The following ZNF716 variants were observed in gnomAD, a reference collection of about 807,000 sequenced individuals.
ZNF716 encodes zinc finger protein 716.
In ZNF716, 9 loss-of-function variants were observed where a neutral mutation model predicts 13.4. The ratio of observed to expected loss-of-function variants is 0.67; its 90% CI spans 0.41 to 1.18. The LOEUF (loss-of-function observed/expected upper bound fraction) is 1.18. Ranked by LOEUF, ZNF716 falls within the 50% of genes most tolerant of loss-of-function variation. The probability of loss-of-function intolerance (pLI) is 0.01; values close to 1 mark genes in which losing one functional copy is unlikely to be tolerated. For synonymous variants in ZNF716, 186 were observed against 195.2 expected (o/e 0.95, Z 0.39); for missense variants, 581 against 576.6 (o/e 1.01, Z -0.08).
intron 3 of ZNF716, among the ~76,000 whole-genome samples, chr7:57,465,271 A>G (rs1276594118): frequency 6.6e-6 from 1 of 152,062 alleles, no homozygotes; most frequent in African/African-American, 2.4e-5. Context: ...TTATTTCCAT[A>G]TATTTTTGAT....
chr7:57,459,738 G>A (rs1157133402), intron 1 of ZNF716, among the ~76,000 whole-genome samples: 1 of 152,166 alleles, frequency 6.6e-6, no homozygotes, highest in Non-Finnish European at 1.5e-5. Flanking sequence ...GGTAGGAAGA[G>A]GTCAGTGCGG....
At chr7:57,451,064 C>G (rs1436631912) in intron 1 of ZNF716, among the ~76,000 whole-genome samples, 1 of 151,752 alleles carries the variant, frequency 6.6e-6, no homozygotes, top group East Asian at 1.9e-4. Context: ...CTCTGTTGCC[C>G]AGGCTGGAGT....
rs1372767800 is a variant in ZNF716, at chr7:57,471,601, T to A, written c.*1652T>A. Reference sequence around the variant, plus strand: ...TATCAAAGGAAAACCCTGAAACAGATGCTCAAACTTTGTTGAACATCGGAG... The same window carrying A: ...TATCAAAGGAAAACCCTGAAACAGAAGCTCAAACTTTGTTGAACATCGGAG... On this transcript the variant is annotated 3_prime_UTR_variant, in exon 4 of 4. Transcript: ENST00000420713. 2.0e-5 allele frequency: 3 copies of A among 152,204 alleles called. No individual in the cohort carries two copies. Among genetic ancestry groups the A allele is most frequent in the African/African-American group, 7.2e-5 (3 of 41,450 alleles). 9.4% of individuals were successfully genotyped at this position (152,204 alleles called of 1,614,324 possible).
intron 1 of ZNF716, 148 bp downstream of exon 1, chr7:57,450,475 C>A (rs1006012863): frequency 9.1e-6 from 13 of 1,421,060 alleles, no homozygotes; most frequent in Admixed American, 1.9e-5. Flanking sequence ...CTCTTAGTCC[C>A]CTCGAGCGTT....
intron 1 of ZNF716, among the ~76,000 whole-genome samples, chr7:57,461,459 C>T (rs1449318862): frequency 2.6e-5 from 4 of 152,102 alleles, no homozygotes; most frequent in African/African-American, 9.7e-5. Context: ...TTATTATTCC[C>T]TTAATTATTA....
In ZNF716 at chr7:57,471,660, C is replaced by A. The variant is rs1206336817; in HGVS notation, c.*1711C>A. The A allele has an allele frequency of 6.6e-6, 1 of 152,014 alleles. No individual in the cohort carries two copies. The highest frequency in any genetic ancestry group is 2.4e-5 in the African/African-American group (1 of 41,392). 9.4% of individuals were successfully genotyped at this position (152,014 alleles called of 1,614,324 possible). ...TTGGAGAGAAAGTGTAAATGAATGTCAAAAAATATTTGTTCAAAAACTACA... is the reference window on the plus strand; with the variant it reads ...TTGGAGAGAAAGTGTAAATGAATGTAAAAAAATATTTGTTCAAAAACTACA... On this transcript the variant is annotated 3_prime_UTR_variant, in exon 4 of 4. Transcript: ENST00000420713.
chr7:57,451,742 C>T, intron 1 of ZNF716, among the ~76,000 whole-genome samples: 1 of 150,980 alleles, frequency 6.6e-6, no homozygotes, highest in South Asian at 2.1e-4. Context: ...GCTATCACAC[C>T]CAGCCTGCGT....
rs781867991 is a variant in ZNF716, at chr7:57,468,918, C to A, written c.457C>A (p.Gln153Lys). 5 of 1,612,286 alleles carry A rather than the reference C, an allele frequency of 3.1e-6. No individual in the cohort carries two copies. Among genetic ancestry groups the A allele is most frequent in the Non-Finnish European group, 4.2e-6 (5 of 1,179,106 alleles). ...TGTTAACCAATGTTTGTCAGCTACC[C>A]AAAACAAAACATTTCAGACTCATAA... is the stretch of plus-strand genomic sequence containing the variant. ...NYVNQCLSATQNKTFQTHKCV... is the reference protein window; with the variant it reads ...NYVNQCLSATKNKTFQTHKCV... The change falls in exon 4 of 4, where the codon CAA (glutamine) becomes AAA (lysine). Residue 153 changes from glutamine (Q) to lysine (K), a missense_variant. Coordinates refer to ENST00000420713, the MANE Select transcript of ZNF716 (RefSeq NM_001159279.1).
intron 1 of ZNF716, among the ~76,000 whole-genome samples, chr7:57,454,177 G>A (rs1554321913): frequency 6.6e-6 from 1 of 152,014 alleles, no homozygotes. Context: ...TTATGAGATG[G>A]GACTGGGCAC....
In ZNF716 at chr7:57,471,926, T is replaced by C. The variant is rs1234219257; in HGVS notation, c.*1977T>C. The stretch of plus-strand genomic sequence containing the variant: ...TGGAGATTTATAATTACATTCGAGG[T>C]ATGCTTCTTTCTTTGTAAAAAAAAA... On this transcript the variant is annotated 3_prime_UTR_variant, in exon 4 of 4. Transcript: ENST00000420713. 1.3e-5 allele frequency: 2 copies of C among 152,178 alleles called. No homozygotes were observed. Among genetic ancestry groups the C allele is most frequent in the African/African-American group, 4.8e-5 (2 of 41,430 alleles). The allele number at this position is 152,178 out of a possible 1,614,324, so 9.4% of individuals were successfully genotyped here.
intron 3 of ZNF716, among the ~76,000 whole-genome samples, chr7:57,464,512 G>A (rs1275710105): frequency 6.6e-6 from 1 of 151,854 alleles, no homozygotes; most frequent in Non-Finnish European, 1.5e-5. Flanking sequence ...TATCACATGT[G>A]ATTTTCAAAT....
At chr7:57,452,769 T>TA (rs1365695665) in intron 1 of ZNF716, among the ~76,000 whole-genome samples, 2 of 152,192 alleles carry the variant, frequency 1.3e-5, no homozygotes, top group African/African-American at 2.4e-5. Flanking sequence ...GGGGAAACCC[T>TA]ACAGGGTAAT....
intron 3 of ZNF716, among the ~76,000 whole-genome samples, chr7:57,467,848 C>G (rs1554324411): frequency 6.6e-6 from 1 of 151,778 alleles, no homozygotes; most frequent in East Asian, 1.9e-4. Flanking sequence ...TTGCATTTCT[C>G]TCACTGAGCA....
chr7:57,454,447 T>A (rs1361347528), intron 1 of ZNF716, among the ~76,000 whole-genome samples: 2 of 152,204 alleles, frequency 1.3e-5, no homozygotes. Context: ...GACTCCAAGC[T>A]ATGAGCAATA....
chr7:57,468,368 C>A (rs535305869), intron 3 of ZNF716, among the ~76,000 whole-genome samples: 2 of 152,154 alleles, frequency 1.3e-5, no homozygotes, highest in South Asian at 4.1e-4. Context: ...ATATAGGTGC[C>A]AATATTTTTC....
intron 1 of ZNF716, among the ~76,000 whole-genome samples, chr7:57,460,875 C>T (rs183626836): frequency 2.0e-5 from 3 of 152,262 alleles, no homozygotes; most frequent in Admixed American, 6.5e-5. Flanking sequence ...GATACTTGCT[C>T]TCCAGGGTGC....
At position 57,468,778 on chromosome 7, in the gene ZNF716, C is replaced by T; in HGVS notation, c.317C>T (p.Ser106Leu). ...DLQSEQGIKD[S>L]LQKVILRRYG... Reference sequence around the variant, plus strand: ...CAGTCAGAGCAGGGCATAAAAGATTCACTCCAAAAAGTGATACTGAGAAGA... The same window carrying T: ...CAGTCAGAGCAGGGCATAAAAGATTTACTCCAAAAAGTGATACTGAGAAGA... The change falls in exon 4 of 4, where the codon TCA becomes TTA. Residue 106 changes from serine to leucine, a missense_variant. By Grantham distance (145) the Ser-to-Leu change is moderately radical. Coordinates refer to ENST00000420713, the MANE Select transcript of ZNF716 (RefSeq NM_001159279.1). 2 of 1,613,192 alleles carry T rather than the reference C, an allele frequency of 1.2e-6. No individual in the cohort carries two copies. Among genetic ancestry groups the T allele is most frequent in the Non-Finnish European group, 1.7e-6 (2 of 1,179,678 alleles).
chr7:57,458,000 T>C (rs1462267950), intron 1 of ZNF716, among the ~76,000 whole-genome samples: 5 of 152,238 alleles, frequency 3.3e-5, no homozygotes, highest in Admixed American at 6.5e-5. Context: ...TTCTTTCTTA[T>C]AACTGCATCG....
In ZNF716 at chr7:57,470,250, TG is replaced by T; in HGVS notation, c.*302del. On this transcript the variant is annotated 3_prime_UTR_variant, in exon 4 of 4. Coordinates refer to ENST00000420713, the MANE Select transcript of ZNF716 (RefSeq NM_001159279.1). ...CACGATGTCAGCTCACTGCAACCTC[TG>T]CCTCCTGGGTTCAAGCGATTCTCCT... 4.9e-6 allele frequency: 1 copy of T among 205,046 alleles called. No homozygotes were observed. The highest frequency in any genetic ancestry group is 9.8e-6 in the Non-Finnish European group (1 of 102,056). 12.7% of individuals were successfully genotyped at this position (205,046 alleles called of 1,614,324 possible). A position where few individuals can be genotyped will look rare whatever the true frequency, so the allele number is the denominator to read the frequency against.
Sources: gnomAD v4.1 joint callset for allele counts (sites outside exome capture counted in the v4.1 genomes callset) on GRCh38, gnomAD v4.1.1 for gene constraint, MANE v1.5 for transcripts, NCBI Gene and HGNC (gene_info 2026-07-23, HGNC 2026-07-21) for gene names.